CLRN3: variants seen among roughly 807,000 people sequenced by gnomAD.
CLRN3 encodes the protein clarin-3.
CLRN3 carries 12 observed loss-of-function variants against 16.7 expected under a neutral mutation model. That is an observed-to-expected ratio of 0.72 (90% confidence interval 0.46 to 1.16). The LOEUF (loss-of-function observed/expected upper bound fraction) is 1.16, where lower values mean the gene tolerates loss of function less well. CLRN3 is among the 50% of genes most tolerant of loss of function. CLRN3 has a pLI of 0.00. For missense variants in CLRN3, 296 were observed against 274.2 expected, an observed-to-expected ratio of 1.08 and a Z score of -0.56; for synonymous variants, 118 against 113.0, an observed-to-expected ratio of 1.04 and a Z score of -0.28.
intron 1 of CLRN3, among the ~76,000 whole-genome samples, chr10:127,888,107 G>A (rs1845218149): frequency 6.6e-6 from 1 of 152,232 alleles, no homozygotes; most frequent in Non-Finnish European, 1.5e-5. Flanking sequence ...GGACATCAAG[G>A]GAGAGCCCGT....
intron 1 of CLRN3, among the ~76,000 whole-genome samples, chr10:127,887,640 G>A (rs976378490): frequency 2.6e-5 from 4 of 152,026 alleles, no homozygotes; most frequent in African/African-American, 9.7e-5. Context: ...TTATTTTCCG[G>A]CTTTCTGAAT....
chr10:127,878,451 A>T, intron 2 of CLRN3, 31 bp from the exon 3 acceptor site: 2 of 1,611,074 alleles, frequency 1.2e-6, no homozygotes, highest in Non-Finnish European at 1.7e-6. Flanking sequence ...CATGCATGGC[A>T]TGGTGATACA....
chr10:127,889,062 C>T (rs1310330857), intron 1 of CLRN3, among the ~76,000 whole-genome samples: 3 of 152,230 alleles, frequency 2.0e-5, no homozygotes, highest in Admixed American at 2.0e-4. Flanking sequence ...GCAAATCAGA[C>T]TGTTCTTGGA....
At chr10:127,879,148 CCTGGGCT>C (rs1845095848) in intron 2 of CLRN3, among the ~76,000 whole-genome samples, 1 of 152,148 alleles carries the variant, frequency 6.6e-6, no homozygotes, top group African/African-American at 2.4e-5. Flanking sequence ...CTCACTCTCC[CCTGGGCT>C]CTGAAGTGCA....
chr10:127,886,948 A>G (rs1321529838), intron 1 of CLRN3, among the ~76,000 whole-genome samples: 3 of 148,972 alleles, frequency 2.0e-5, no homozygotes, highest in Non-Finnish European at 4.5e-5. Context: ...TTGCCTGGGC[A>G]GGGACGGGTG....
chr10:127,884,043 T>C (rs1315539907), intron 1 of CLRN3, 168 bp from the exon 2 acceptor site: 2 of 655,614 alleles, frequency 3.1e-6, no homozygotes, highest in South Asian at 1.7e-5. Flanking sequence ...CATTCCCCAC[T>C]GGAGGCTGGT....
At chr10:127,878,476 T>G in intron 2 of CLRN3, 56 bp from the exon 3 acceptor site, 1 of 1,599,218 alleles carries the variant, frequency 6.3e-7, no homozygotes, top group Non-Finnish European at 8.5e-7. Flanking sequence ...TTAATGTCAC[T>G]TATCTTTATG....
intron 1 of CLRN3, among the ~76,000 whole-genome samples, chr10:127,891,028 C>T (rs1386112216): frequency 6.6e-6 from 1 of 152,140 alleles, no homozygotes; most frequent in Non-Finnish European, 1.5e-5. Context: ...TGTGGCTCCC[C>T]AGTAACAGAG....
chr10:127,884,461 T>C (rs1173400367), intron 1 of CLRN3, among the ~76,000 whole-genome samples: 2 of 152,026 alleles, frequency 1.3e-5, no homozygotes, highest in African/African-American at 2.4e-5. Flanking sequence ...GCAAATCGAG[T>C]TGTGGGTCCT....
intron 2 of CLRN3, among the ~76,000 whole-genome samples, chr10:127,881,358 T>C (rs982405785): frequency 2.0e-4 from 31 of 152,328 alleles, no homozygotes; most frequent in Non-Finnish European, 8.8e-5. Context: ...CTCTGCTATA[T>C]GCAAAGCCAG....
intron 1 of CLRN3, among the ~76,000 whole-genome samples, chr10:127,888,333 C>T (rs1328951164): frequency 6.6e-6 from 1 of 152,134 alleles, no homozygotes; most frequent in Non-Finnish European, 1.5e-5. Flanking sequence ...GTGGCCTGAG[C>T]TTGGGAGGGC....
At position 127,883,717 on chromosome 10, in the gene CLRN3, A is replaced by C. The variant is rs767321944; in HGVS notation, c.388T>G (p.Tyr130Asp). Residue 130 changes from tyrosine (Y) to aspartate (D), a missense_variant, in exon 2 of 3, where the codon TAC (tyrosine) becomes GAC (aspartate). Coordinates refer to ENST00000368671, the MANE Select transcript of CLRN3 (RefSeq NM_152311.5). The part of the protein sequence containing the change: ...YQTFLGPTGV[Y>D]TWNGLGASFV... The stretch of plus-strand genomic sequence containing the variant: ...TCACCACCGAGCCCGTTCCAGGTGT[A>C]CACCCCCGTCGGCCCCAGGAATGTC... 6.2e-7 allele frequency: 1 copy of C among 1,613,532 alleles called. No individual in the cohort carries two copies.
intron 1 of CLRN3, among the ~76,000 whole-genome samples, chr10:127,888,298 A>T (rs778309867): frequency 9.2e-5 from 14 of 152,138 alleles, no homozygotes; most frequent in Non-Finnish European, 1.3e-4. Context: ...CCTCTCAGAA[A>T]GTTGCCAGGG....
At chr10:127,885,449 A>T (rs1035430411) in intron 1 of CLRN3, among the ~76,000 whole-genome samples, 3 of 152,222 alleles carry the variant, frequency 2.0e-5, no homozygotes, top group African/African-American at 7.2e-5. Context: ...ATATTTGAGG[A>T]GGGATATAAA....
At chr10:127,882,762 T>C (rs992144555) in intron 2 of CLRN3, among the ~76,000 whole-genome samples, 3 of 152,190 alleles carry the variant, frequency 2.0e-5, no homozygotes, top group Non-Finnish European at 2.9e-5. Context: ...AGGCCTGTGT[T>C]AAAATGCGTC....
intron 1 of CLRN3, among the ~76,000 whole-genome samples, chr10:127,888,168 C>T (rs768863936): frequency 6.6e-6 from 1 of 152,230 alleles, no homozygotes; most frequent in Non-Finnish European, 1.5e-5. Flanking sequence ...CCGTAAGCAC[C>T]TGGTCACCAG....
intron 2 of CLRN3, among the ~76,000 whole-genome samples, chr10:127,881,756 C>G (rs191659805): frequency 1.5e-3 from 233 of 152,286 alleles, no homozygotes; most frequent in African/African-American, 5.5e-3. Context: ...ATTTTTTTCT[C>G]CTGGGGCTGC....
intron 2 of CLRN3, among the ~76,000 whole-genome samples, chr10:127,880,780 A>T (rs1209330012): frequency 1.3e-5 from 2 of 152,014 alleles, no homozygotes; most frequent in Admixed American, 6.5e-5. Context: ...CCTACCCAAC[A>T]TCTGCTGGCC....
chr10:127,881,010 A>G (rs929645793), intron 2 of CLRN3, among the ~76,000 whole-genome samples: 1 of 152,066 alleles, frequency 6.6e-6, no homozygotes, highest in East Asian at 1.9e-4. Context: ...AAAATCAGGA[A>G]CCCCCAAAGG....
Sources: allele counts gnomAD v4.1 joint callset (sites outside exome capture counted in the v4.1 genomes callset), GRCh38; gene constraint gnomAD v4.1.1; transcripts MANE v1.5; gene names NCBI Gene and HGNC (gene_info 2026-07-23, HGNC 2026-07-21).